GAS7: variants seen among roughly 807,000 people sequenced by gnomAD.
GAS7 encodes the protein growth arrest specific 7.
GAS7 carries 28 observed loss-of-function variants against 71.1 expected under a neutral mutation model. The observed-to-expected ratio is 0.39, with a 90% confidence interval of 0.29 to 0.54. GAS7 has a LOEUF of 0.54. Ranked by LOEUF, GAS7 falls within the 20% of genes least tolerant of loss-of-function variation. The pLI is 0.62. For missense variants in GAS7, 436 were observed against 627.8 expected (o/e 0.69, Z 3.27); for synonymous variants, 258 against 245.8 (o/e 1.05, Z -0.46).
At chr17:10,143,299 G>A (rs1418186068) in intron 1 of GAS7, among the ~76,000 whole-genome samples, 1 of 151,952 alleles carries the variant, frequency 6.6e-6, no homozygotes, top group Admixed American at 6.6e-5. Context: ...CCAGCACTTT[G>A]GGAGGCAGAG....
intron 1 of GAS7, among the ~76,000 whole-genome samples, chr17:10,194,349 A>G (rs2074524583): frequency 1.3e-5 from 2 of 152,178 alleles, no homozygotes; most frequent in African/African-American, 4.8e-5. Context: ...TCTTCTCTCC[A>G]TTCAAGGAAA....
intron 1 of GAS7, among the ~76,000 whole-genome samples, chr17:10,118,169 G>A (rs374996054): frequency 2.0e-5 from 3 of 149,126 alleles, no homozygotes; most frequent in African/African-American, 4.9e-5. Context: ...TCAGTCACTC[G>A]TTGCAAGACA....
At chr17:10,101,126 G>A (rs747457398) in intron 1 of GAS7, among the ~76,000 whole-genome samples, 7 of 151,986 alleles carry the variant, frequency 4.6e-5, no homozygotes, top group South Asian at 2.1e-4. Context: ...ACCAAATATG[G>A]TCACTTATGG....
chr17:10,131,205 G>A (rs993095401), intron 1 of GAS7, among the ~76,000 whole-genome samples: 5 of 152,142 alleles, frequency 3.3e-5, no homozygotes, highest in Non-Finnish European at 7.3e-5. Context: ...GCGCTTACTT[G>A]GTCTCTGTTT....
At chr17:10,126,805 T>C (rs1437298726) in intron 1 of GAS7, among the ~76,000 whole-genome samples, 1 of 152,248 alleles carries the variant, frequency 6.6e-6, no homozygotes, top group Non-Finnish European at 1.5e-5. Context: ...GCTCTGACTC[T>C]AGTCCCAGTG....
At chr17:9,963,528 T>C (rs1445411517) in intron 4 of GAS7, among the ~76,000 whole-genome samples, 2 of 152,024 alleles carry the variant, frequency 1.3e-5, no homozygotes, top group African/African-American at 4.8e-5. Context: ...AGTGTATCTG[T>C]GTGTGAACCT....
At position 9,913,921 on chromosome 17, in the gene GAS7, T is replaced by G; in HGVS notation, c.*3307A>C. The stretch of plus-strand genomic sequence containing the variant: ...GAGGCAGGTAGAAGGGGCTGACTTG[T>G]TCTCAGAAATGGAAGGGACATTCTC... On this transcript the variant is annotated 3_prime_UTR_variant, in exon 14 of 14. Coordinates refer to ENST00000432992, the MANE Select transcript of GAS7 (RefSeq NM_201433.2). 4.3e-6 allele frequency: 1 copy of G among 232,232 alleles called. No individual in the cohort carries two copies. Among genetic ancestry groups the G allele is most frequent in the Non-Finnish European group, 8.5e-6 (1 of 117,442 alleles). The allele number at this position is 232,232 out of a possible 1,614,324, so 14.4% of individuals were successfully genotyped here.
At chr17:10,076,630 A>G (rs1254558928) in intron 1 of GAS7, among the ~76,000 whole-genome samples, 2 of 152,174 alleles carry the variant, frequency 1.3e-5, no homozygotes, top group East Asian at 1.9e-4. Flanking sequence ...AAAATTACCA[A>G]TATTCTACAG....
chr17:9,964,429 G>A (rs4791922), intron 4 of GAS7, among the ~76,000 whole-genome samples: 11,290 of 152,074 alleles, frequency 0.074, 1,389 homozygotes, highest in African/African-American at 0.26. Flanking sequence ...GCAGGCCTGC[G>A]CAGACTACCC....
At chr17:10,140,409 C>A (rs777389041) in intron 1 of GAS7, among the ~76,000 whole-genome samples, 8 of 152,020 alleles carry the variant, frequency 5.3e-5, no homozygotes, top group Non-Finnish European at 1.2e-4. Flanking sequence ...TGCAGTGAGC[C>A]GTGACTGCCA....
intron 1 of GAS7, among the ~76,000 whole-genome samples, chr17:10,150,848 C>A (rs1484865716): frequency 6.6e-6 from 1 of 152,166 alleles, no homozygotes; most frequent in African/African-American, 2.4e-5. Context: ...CTCGGCCTCC[C>A]AAGCTGCTGG....
chr17:10,010,446 C>A (rs969349728), intron 2 of GAS7, among the ~76,000 whole-genome samples: 5 of 152,144 alleles, frequency 3.3e-5, no homozygotes, highest in African/African-American at 1.2e-4. Flanking sequence ...GCCACCGCGC[C>A]CAGCCTGATT....
In GAS7 at chr17:10,171,149, C is replaced by T. The variant is rs1281613480; in HGVS notation, c.183+27059G>A. On this transcript the variant is annotated intron_variant, in intron 1 of 13. Transcript: ENST00000432992. ...AATCCTAAAACTTCCTTCATCCCTT[C>T]AGTCAGAATCTTTTCCTCTTTTGGT... Among the ~76,000 whole-genome samples, 8 of 152,214 alleles carry T rather than the reference C, an allele frequency of 5.3e-5. No individual in the cohort carries two copies. The East Asian group carries it at 1.5e-3, about 29-fold the overall frequency.
intron 1 of GAS7, among the ~76,000 whole-genome samples, chr17:10,188,805 A>AT (rs2074476117): frequency 6.6e-6 from 1 of 152,010 alleles, no homozygotes; most frequent in African/African-American, 2.4e-5. Flanking sequence ...CACCCAGCTA[A>AT]TTTTTTTGTA....
Position 10,056,830 on chromosome 17 carries a change from C to G in GAS7, c.184-36933G>C, listed in dbSNP as rs1253059581. 4.6e-5 allele frequency among the ~76,000 whole-genome samples: 7 copies of G among 152,066 alleles called. No individual in the cohort carries two copies. The East Asian group carries it at 1.2e-3, about 25-fold the overall frequency. On this transcript the variant is annotated intron_variant, in intron 1 of 13. Coordinates refer to ENST00000432992, the MANE Select transcript of GAS7 (RefSeq NM_201433.2). ...CTCCCTCTCTTTCCACGGTCTCCCT[C>G]TGATGCCGAGCCGAAGCTAGACTGT...
intron 5 of GAS7, among the ~76,000 whole-genome samples, chr17:9,952,280 C>T (rs8068030): frequency 0.073 from 11,044 of 152,224 alleles, 804 homozygotes; most frequent in African/African-American, 0.19. Flanking sequence ...CAGGGACAGC[C>T]CCTGGGGGAG....
chr17:10,008,149 G>A (rs1228419297), intron 2 of GAS7, among the ~76,000 whole-genome samples: 1 of 152,166 alleles, frequency 6.6e-6, no homozygotes, highest in Non-Finnish European at 1.5e-5. Flanking sequence ...TGGGCATTTT[G>A]GTTGCTGCTG....
At chr17:9,989,616 A>G in intron 2 of GAS7, among the ~76,000 whole-genome samples, 1 of 152,186 alleles carries the variant, frequency 6.6e-6, no homozygotes, top group East Asian at 1.9e-4. Context: ...AGCAAAACAT[A>G]TCAGGTTAGC....
intron 5 of GAS7, among the ~76,000 whole-genome samples, chr17:9,957,020 G>A (rs2069269783): frequency 6.6e-6 from 1 of 152,204 alleles, no homozygotes. Flanking sequence ...ACACCGGGAA[G>A]TGTCCTGGGC....
Sources: allele counts gnomAD v4.1 joint callset (sites outside exome capture counted in the v4.1 genomes callset), GRCh38; gene constraint gnomAD v4.1.1; transcripts MANE v1.5; gene names NCBI Gene and HGNC (gene_info 2026-07-23, HGNC 2026-07-21).